GBE1: variants seen among roughly 807,000 people sequenced by gnomAD.
GBE1 encodes 1,4-alpha-glucan branching enzyme 1.
In GBE1, 70 loss-of-function variants were observed where a neutral mutation model predicts 88.8. The observed-to-expected ratio is 0.79, with a 90% CI of 0.65 to 0.96. GBE1 has a LOEUF of 0.96. GBE1 is among the 40% of genes least tolerant of loss of function. The probability of loss-of-function intolerance (pLI) is 0.00; values close to 1 mark genes in which losing one functional copy is unlikely to be tolerated. For synonymous variants in GBE1, 284 were observed against 300.1 expected, an observed-to-expected ratio of 0.95 and a Z score of 0.56; for missense variants, 872 against 871.0, an observed-to-expected ratio of 1.00 and a Z score of -0.01.
intron 10 of GBE1, among the ~76,000 whole-genome samples, chr3:81,583,927 C>A (rs1450577053): frequency 6.6e-6 from 1 of 151,978 alleles, no homozygotes; most frequent in Non-Finnish European, 1.5e-5. Flanking sequence ...CATACCAGAT[C>A]TCACTGTATT....
chr3:81,548,281 T>C lies in GBE1; in HGVS notation c.1619-11186A>G, dbSNP rs186574563. 4.6e-5 allele frequency among the ~76,000 whole-genome samples: 7 copies of C among 151,680 alleles called. 1 individual carries two copies. The highest frequency in any genetic ancestry group is 1.4e-4 in the African/African-American group (6 of 41,510). ...AAAGGTTTATGAGTATCTCACCTTATGGTCAAACATTAAATTTGGGTAGAC... is the reference window on the plus strand; with the variant it reads ...AAAGGTTTATGAGTATCTCACCTTACGGTCAAACATTAAATTTGGGTAGAC... On this transcript the variant is annotated intron_variant, in intron 12 of 15. Coordinates refer to ENST00000429644, the MANE Select transcript of GBE1 (RefSeq NM_000158.4).
chr3:81,673,971 G>A (rs1425879314), intron 2 of GBE1, among the ~76,000 whole-genome samples: 1 of 151,840 alleles, frequency 6.6e-6, no homozygotes, highest in Non-Finnish European at 1.5e-5. Context: ...CATAAACTAT[G>A]TAGAGCATAC....
At chr3:81,550,708 T>G (rs1393285816) in intron 12 of GBE1, among the ~76,000 whole-genome samples, 1 of 152,082 alleles carries the variant, frequency 6.6e-6, no homozygotes, top group Non-Finnish European at 1.5e-5. Flanking sequence ...CCTCTGGTCA[T>G]CCTCATTGCT....
At position 81,600,528 on chromosome 3, in the gene GBE1, G is replaced by A. The variant is rs1704018755; in HGVS notation, c.993-6505C>T. Among the ~76,000 whole-genome samples the A allele has an allele frequency of 2.6e-5, 4 of 152,124 alleles. No homozygotes were observed. The South Asian group carries it at 8.3e-4, about 32-fold the overall frequency. On this transcript the variant is annotated intron_variant, in intron 7 of 15. Transcript: ENST00000429644. Reference sequence around the variant, plus strand: ...GAGCCATGGTGCTTGGCTCTAATCAGCATAAAAAATAAATTAGAATAAAGA... The same window carrying A: ...GAGCCATGGTGCTTGGCTCTAATCAACATAAAAAATAAATTAGAATAAAGA...
chr3:81,492,203 T>C (rs529670748), intron 15 of GBE1, among the ~76,000 whole-genome samples: 1 of 152,354 alleles, frequency 6.6e-6, no homozygotes, highest in Admixed American at 6.5e-5. Context: ...ATTTCAGTGC[T>C]ACAAACTGTT....
chr3:81,601,721 A>G (rs2106970190), intron 7 of GBE1, among the ~76,000 whole-genome samples: 1 of 152,314 alleles, frequency 6.6e-6, no homozygotes, highest in African/African-American at 2.4e-5. Context: ...AATGTGTTCT[A>G]TTAGTTGTGA....
At chr3:81,494,968 C>CTT (rs1291857290) in intron 15 of GBE1, among the ~76,000 whole-genome samples, 1 of 152,070 alleles carries the variant, frequency 6.6e-6, no homozygotes, top group African/African-American at 2.4e-5. Context: ...CAGTGTCAAA[C>CTT]ATTTAAAAAA....
chr3:81,674,324 A>C (rs532993583), intron 2 of GBE1, among the ~76,000 whole-genome samples: 2 of 152,088 alleles, frequency 1.3e-5, no homozygotes, highest in South Asian at 2.1e-4. Flanking sequence ...TTTACTCCAC[A>C]GAATACACAT....
At chr3:81,526,765 A>T (rs1702949757) in intron 14 of GBE1, among the ~76,000 whole-genome samples, 1 of 152,166 alleles carries the variant, frequency 6.6e-6, no homozygotes, top group Non-Finnish European at 1.5e-5. Flanking sequence ...GGGTAGGAAG[A>T]ATCAATATCA....
intron 10 of GBE1, 114 bp from the exon 11 acceptor site, chr3:81,581,389 T>C: frequency 1.6e-6 from 1 of 625,016 alleles, no homozygotes; most frequent in Non-Finnish European, 2.8e-6. Context: ...AAGCACATAT[T>C]AGTCCACCCA....
At chr3:81,750,619 A>ATGTG (rs1706504132) in intron 1 of GBE1, among the ~76,000 whole-genome samples, 2 of 66,462 alleles carry the variant, frequency 3.0e-5, no homozygotes, top group African/African-American at 1.9e-4. Context: ...ATATATATGT[A>ATGTG]TATATATATA....
chr3:81,515,301 T>C (rs1393221490), intron 14 of GBE1, among the ~76,000 whole-genome samples: 5 of 151,502 alleles, frequency 3.3e-5, no homozygotes, highest in Non-Finnish European at 5.9e-5. Flanking sequence ...TATTAATATA[T>C]GATTGTCTAT....
intron 7 of GBE1, among the ~76,000 whole-genome samples, chr3:81,607,414 T>C (rs904660112): frequency 3.9e-5 from 6 of 152,000 alleles, no homozygotes; most frequent in African/African-American, 1.4e-4. Flanking sequence ...CTGGGCTTGG[T>C]GGCGCACACC....
intron 1 of GBE1, chr3:81,743,576 T>G (rs1428121831): frequency 1.3e-6 from 2 of 1,535,178 alleles, no homozygotes; most frequent in East Asian, 2.4e-5. Flanking sequence ...GCAAGATTCA[T>G]GGGACAACGA....
At chr3:81,500,379 A>G (rs1439486909) in intron 14 of GBE1, among the ~76,000 whole-genome samples, 3 of 152,234 alleles carry the variant, frequency 2.0e-5, no homozygotes, top group Non-Finnish European at 4.4e-5. Context: ...GATAATGAAA[A>G]TAAATAATCA....
intron 7 of GBE1, among the ~76,000 whole-genome samples, chr3:81,608,197 T>A (rs1704128795): frequency 6.6e-6 from 1 of 152,200 alleles, no homozygotes; most frequent in Admixed American, 6.5e-5. Context: ...ACCACTGATT[T>A]CCAATAAGAA....
intron 15 of GBE1, among the ~76,000 whole-genome samples, chr3:81,493,490 G>A (rs983679696): frequency 1.3e-5 from 2 of 150,116 alleles, no homozygotes; most frequent in Admixed American, 6.6e-5. Flanking sequence ...ACTCTTTGAT[G>A]TTTTGGCATT....
chr3:81,533,810 T>G lies in GBE1; in HGVS notation c.1934+1385A>C, dbSNP rs560658897. On this transcript the variant is annotated intron_variant, in intron 14 of 15. Transcript: ENST00000429644. ...TGAAGAGATGCACAAAAAAATCTGT[T>G]TGCATTTTGTTGTATCTGAAGGTGG... Among the ~76,000 whole-genome samples the G allele has an allele frequency of 2.6e-5, 4 of 152,128 alleles. No homozygotes were observed. In the South Asian group the frequency reaches 8.3e-4, roughly 32 times the overall value.
Position 81,589,649 on chromosome 3 carries a change from A to T in GBE1, c.1236+1388T>A, listed in dbSNP as rs76851740. On this transcript the variant is annotated intron_variant, in intron 9 of 15. Coordinates refer to ENST00000429644, the MANE Select transcript of GBE1 (RefSeq NM_000158.4). ...TTACTTGAAATGAATGGAAAGATCA[A>T]TGTAACAATTTTAACTTTCATGTAT... 1.2e-3 allele frequency among the ~76,000 whole-genome samples: 182 copies of T among 152,126 alleles called. 2 individuals are homozygous for T. The highest frequency in any genetic ancestry group is 3.4e-3 in the Middle Eastern group (1 of 294).
Sources: gnomAD v4.1 joint callset for allele counts (sites outside exome capture counted in the v4.1 genomes callset) on GRCh38, gnomAD v4.1.1 for gene constraint, MANE v1.5 for transcripts, NCBI Gene and HGNC (gene_info 2026-07-23, HGNC 2026-07-21) for gene names.